Variants in ATG14 observed in about 807,000 individuals in gnomAD.
ATG14 encodes the protein beclin 1-associated autophagy-related key regulator.
Under a neutral mutation model 60.4 loss-of-function variants are expected in ATG14, and 35 were observed. The ratio of observed to expected loss-of-function variants is 0.58; its 90% confidence interval spans 0.44 to 0.77. The LOEUF is 0.77. Ranked by LOEUF, ATG14 falls within the 30% of genes least tolerant of loss-of-function variation. ATG14 has a pLI of 0.00. For synonymous variants in ATG14, 234 were observed against 228.8 expected, an observed-to-expected ratio of 1.02 and a Z score of -0.21; for missense variants, 647 against 626.3, an observed-to-expected ratio of 1.03 and a Z score of -0.35.
At chr14:55,380,210 T>C (rs1017589474) in intron 7 of ATG14, among the ~76,000 whole-genome samples, 1 of 152,136 alleles carries the variant, frequency 6.6e-6, no homozygotes, top group Non-Finnish European at 1.5e-5. Context: ...ATTGCGCCAC[T>C]GCACTCTGGC....
intron 1 of ATG14, among the ~76,000 whole-genome samples, chr14:55,403,710 T>G (rs566641680): frequency 6.6e-6 from 1 of 151,910 alleles, no homozygotes; most frequent in African/African-American, 2.4e-5. Context: ...ACCAGCAAAA[T>G]AGTATGTATT....
chr14:55,379,429 C>T (rs1047274697), intron 7 of ATG14, among the ~76,000 whole-genome samples: 1 of 152,040 alleles, frequency 6.6e-6, no homozygotes, highest in African/African-American at 2.4e-5. Context: ...GTGGTCCCAG[C>T]AACTCGGGAG....
At chr14:55,397,886 G>T (rs1383536818) in intron 1 of ATG14, among the ~76,000 whole-genome samples, 3 of 150,674 alleles carry the variant, frequency 2.0e-5, no homozygotes, top group Non-Finnish European at 4.4e-5. Context: ...GTTATCATAG[G>T]CTAAAAAATT....
chr14:55,391,770 G>A (rs948083544), intron 3 of ATG14, among the ~76,000 whole-genome samples: 3 of 152,166 alleles, frequency 2.0e-5, no homozygotes, highest in Admixed American at 6.5e-5. Context: ...TCCTACTGAC[G>A]TGCAGCTCCA....
At chr14:55,371,199 T>C (rs558030585) in intron 9 of ATG14, among the ~76,000 whole-genome samples, 1 of 152,260 alleles carries the variant, frequency 6.6e-6, no homozygotes, top group South Asian at 2.1e-4. Context: ...TCGAAATAAA[T>C]AGCAGGCAGA....
At chr14:55,399,655 ATATAG>A (rs1248731676) in intron 1 of ATG14, among the ~76,000 whole-genome samples, 1 of 152,244 alleles carries the variant, frequency 6.6e-6, no homozygotes, top group African/African-American at 2.4e-5. Context: ...TGAGAGACTA[ATATAG>A]TATTTACTTT....
intron 9 of ATG14, among the ~76,000 whole-genome samples, chr14:55,374,670 GT>G (rs1258048347): frequency 6.6e-6 from 1 of 151,960 alleles, no homozygotes; most frequent in African/African-American, 2.4e-5. Flanking sequence ...TTTAAATAAG[GT>G]TTTTTATATC....
At chr14:55,378,132 A>C (rs1428367246) in intron 7 of ATG14, 58 bp from the exon 8 acceptor site, 2 of 1,479,544 alleles carry the variant, frequency 1.4e-6, no homozygotes, top group East Asian at 2.3e-5. Context: ...TCTATGTTAA[A>C]ATTTCCATTT....
Position 55,395,817 on chromosome 14 carries a change from A to T in ATG14, c.327+123T>A, listed in dbSNP as rs981539786. The T allele has an allele frequency of 1.8e-5, 10 of 562,462 alleles. No individual in the cohort carries two copies. In the African/African-American group the frequency reaches 2.0e-4, roughly 11 times the overall value. 34.8% of individuals were successfully genotyped at this position (562,462 alleles called of 1,614,324 possible). ...AAATATTTGAGAAAGCCACGCTACA[A>T]GTGGATTAAGTAGAGGACTGCTAAA... On this transcript the variant is annotated intron_variant, in intron 3 of 9. Transcript: ENST00000247178.
At chr14:55,395,195 T>A (rs1373192785) in intron 3 of ATG14, 1 of 421,254 alleles carries the variant, frequency 2.4e-6, no homozygotes, top group Admixed American at 2.7e-5. Flanking sequence ...GCTCTTCCTC[T>A]GTGGCCCATT....
intron 1 of ATG14, among the ~76,000 whole-genome samples, chr14:55,408,529 T>C (rs916012906): frequency 2.6e-5 from 4 of 151,508 alleles, no homozygotes; most frequent in Admixed American, 2.0e-4. Context: ...CCTAACACTT[T>C]GGGAGGCTGA....
chr14:55,377,868 G>T lies in ATG14; in HGVS notation c.1123C>A (p.Leu375Ile). The T allele has an allele frequency of 6.2e-7, 1 of 1,605,376 alleles. No individual in the cohort carries two copies. Among genetic ancestry groups the T allele is most frequent in the Non-Finnish European group, 8.5e-7 (1 of 1,177,462 alleles). Residue 375 changes from leucine (L) to isoleucine (I), a missense_variant, in exon 9 of 10, where the codon CTC becomes ATC. Transcript: ENST00000247178. ...CTGACCAGGTACATTAGATTCCTGA[G>T]GGTATGCAGTGGTTGTAATTGATCT... ...NLDQLQPLHT[L>I]RNLMYLVSPS...
At chr14:55,377,001 C>T (rs1205681685) in intron 9 of ATG14, among the ~76,000 whole-genome samples, 3 of 152,186 alleles carry the variant, frequency 2.0e-5, no homozygotes, top group African/African-American at 7.2e-5. Flanking sequence ...ATCCCCTACA[C>T]CTCTAATACC....
intron 6 of ATG14, among the ~76,000 whole-genome samples, 183 bp from the exon 7 acceptor site, chr14:55,380,873 A>AT (rs1419893253): frequency 1.1e-5 from 1 of 90,952 alleles, no homozygotes. Context: ...ATATATATAT[A>AT]TATTTTTTTT....
chr14:55,369,450 C>T lies in ATG14; in HGVS notation c.*169G>A. 1.7e-6 allele frequency: 1 copy of T among 597,962 alleles called. No individual in the cohort carries two copies. The highest frequency in any genetic ancestry group is 2.6e-6 in the Non-Finnish European group (1 of 378,724). 37.0% of individuals were successfully genotyped at this position (597,962 alleles called of 1,614,324 possible). ...AAGCATGTTGGTCACCATCACAGGC[C>T]ACTTGGCAAATAGAAATGTTTGTCT... On this transcript the variant is annotated 3_prime_UTR_variant, in exon 10 of 10. Transcript: ENST00000247178.
chr14:55,376,730 G>A (rs184406949), intron 9 of ATG14, among the ~76,000 whole-genome samples: 23 of 152,204 alleles, frequency 1.5e-4, no homozygotes, highest in Admixed American at 1.2e-3. Context: ...GAACTTTCCC[G>A]CCATTTGTCT....
chr14:55,384,673 C>T (rs1216323941), intron 5 of ATG14, among the ~76,000 whole-genome samples: 1 of 152,208 alleles, frequency 6.6e-6, no homozygotes, highest in Non-Finnish European at 1.5e-5. Context: ...ACTCTGGCAA[C>T]AGACTAAAAG....
chr14:55,411,526 C>G, intron 1 of ATG14, 76 bp downstream of exon 1: 1 of 1,432,732 alleles, frequency 7.0e-7, no homozygotes, highest in South Asian at 1.3e-5. Context: ...ACGGGGAGCC[C>G]CAGGTTCCAG....
intron 6 of ATG14, among the ~76,000 whole-genome samples, chr14:55,381,403 G>A (rs1475241989): frequency 1.3e-5 from 2 of 152,258 alleles, no homozygotes; most frequent in African/African-American, 2.4e-5. Flanking sequence ...ATAAATATGG[G>A]TCTAAACGGG....
Sources: allele counts gnomAD v4.1 joint callset (sites outside exome capture counted in the v4.1 genomes callset), GRCh38; gene constraint gnomAD v4.1.1; transcripts MANE v1.5; gene names NCBI Gene and HGNC (gene_info 2026-07-23, HGNC 2026-07-21).